The following DAB1 variants were observed in gnomAD, a reference collection of about 807,000 sequenced individuals.
DAB1 encodes the protein disabled homolog 1.
DAB1 carries 15 observed loss-of-function variants against 64.6 expected under a neutral mutation model. The ratio of observed to expected loss-of-function variants is 0.23; its 90% CI spans 0.16 to 0.36. The LOEUF (loss-of-function observed/expected upper bound fraction) is 0.36, where lower values mean the gene tolerates loss of function less well. DAB1 is among the 10% of genes least tolerant of loss of function. DAB1 has a pLI of 1.00. For synonymous variants in DAB1, 235 were observed against 251.9 expected (o/e 0.93, Z 0.64); for missense variants, 596 against 706.7 (o/e 0.84, Z 1.78).
intron 1 of DAB1, among the ~76,000 whole-genome samples, chr1:57,840,229 C>T (rs1652988599): frequency 6.6e-6 from 1 of 152,050 alleles, no homozygotes; most frequent in Admixed American, 6.6e-5. Flanking sequence ...GAGAGGTAAA[C>T]AATTAAGGTA....
chr1:57,292,967 C>T (rs1214288610), intron 1 of DAB1, among the ~76,000 whole-genome samples: 1 of 152,044 alleles, frequency 6.6e-6, no homozygotes, highest in Non-Finnish European at 1.5e-5. Flanking sequence ...TGTTGAAAAG[C>T]TATGTTTCTG....
At chr1:57,500,929 A>C (rs185089333) in intron 7 of DAB1, among the ~76,000 whole-genome samples, 40 of 152,324 alleles carry the variant, frequency 2.6e-4, no homozygotes, top group Non-Finnish European at 4.9e-4. Context: ...GGGTTAATTG[A>C]AAGGAAATAA....
intron 3 of DAB1, among the ~76,000 whole-genome samples, chr1:58,353,081 C>T (rs749093395): frequency 1.3e-5 from 2 of 152,096 alleles, no homozygotes; most frequent in Non-Finnish European, 1.5e-5. Context: ...GCTGCCGAAT[C>T]GAACCTCCAC....
At chr1:57,733,784 T>C (rs532113185) in intron 6 of DAB1, among the ~76,000 whole-genome samples, 1 of 150,586 alleles carries the variant, frequency 6.6e-6, no homozygotes, top group Admixed American at 6.6e-5. Flanking sequence ...AAAGAGAAAG[T>C]GGGGAGTGAG....
intron 7 of DAB1, among the ~76,000 whole-genome samples, chr1:57,523,832 C>T (rs867526571): frequency 7.9e-5 from 12 of 151,694 alleles, no homozygotes; most frequent in African/African-American, 2.4e-4. Context: ...GGCTGAGGCA[C>T]GAGAATTGCT....
intron 5 of DAB1, among the ~76,000 whole-genome samples, chr1:57,994,599 G>T (rs1646397379): frequency 6.6e-6 from 1 of 152,218 alleles, no homozygotes. Context: ...TTTGGGGCAT[G>T]GGGAGTAAGC....
chr1:57,674,582 C>A (rs1646544377), intron 6 of DAB1, among the ~76,000 whole-genome samples: 1 of 152,112 alleles, frequency 6.6e-6, no homozygotes, highest in Non-Finnish European at 1.5e-5. Flanking sequence ...GCCATGAGTT[C>A]TCTGTTTCAT....
chr1:58,289,751 C>T (rs1661770958), intron 4 of DAB1, among the ~76,000 whole-genome samples: 1 of 152,042 alleles, frequency 6.6e-6, no homozygotes, highest in Non-Finnish European at 1.5e-5. Context: ...AGGCAGATAC[C>T]CTCTCCCCTC....
intron 3 of DAB1, among the ~76,000 whole-genome samples, chr1:58,453,984 GCCC>G (rs1339160251): frequency 6.6e-6 from 1 of 151,888 alleles, no homozygotes; most frequent in Non-Finnish European, 1.5e-5. Flanking sequence ...CTTGTACAAG[GCCC>G]CCAAGTCTTC....
chr1:58,280,816 G>A (rs1385099082), intron 4 of DAB1, among the ~76,000 whole-genome samples: 6 of 152,198 alleles, frequency 3.9e-5, no homozygotes, highest in Non-Finnish European at 8.8e-5. Flanking sequence ...GAGTGGGGGT[G>A]GCACCCAAGG....
chr1:57,068,177 GGAT>G (rs1325524904), intron 8 of DAB1, among the ~76,000 whole-genome samples: 1 of 152,036 alleles, frequency 6.6e-6, no homozygotes, highest in African/African-American at 2.4e-5. Context: ...TCTCTTCTTA[GGAT>G]GATTGGTTAA....
At chr1:57,289,873 A>C (rs1672628793) in intron 2 of DAB1, among the ~76,000 whole-genome samples, 1 of 144,204 alleles carries the variant, frequency 6.9e-6, no homozygotes, top group East Asian at 2.2e-4. Context: ...GAGAGAAAGA[A>C]GTTGCTCATA....
At chr1:57,615,000 G>A (rs1221169665) in intron 7 of DAB1, among the ~76,000 whole-genome samples, 1 of 151,190 alleles carries the variant, frequency 6.6e-6, no homozygotes, top group Non-Finnish European at 1.5e-5. Flanking sequence ...CTCCCGAGTA[G>A]TTGGGACTAC....
At chr1:57,508,625 C>A (rs892840525) in intron 7 of DAB1, among the ~76,000 whole-genome samples, 3 of 152,170 alleles carry the variant, frequency 2.0e-5, no homozygotes, top group Admixed American at 6.5e-5. Flanking sequence ...CAGACAATGT[C>A]TAAACCAATG....
intron 4 of DAB1, among the ~76,000 whole-genome samples, chr1:58,286,204 A>G (rs921115672): frequency 1.3e-5 from 2 of 152,234 alleles, no homozygotes; most frequent in South Asian, 2.1e-4. Context: ...GCCCAAAACT[A>G]TAAAAACCCA....
intron 2 of DAB1, among the ~76,000 whole-genome samples, chr1:57,269,465 C>A (rs929244040): frequency 1.3e-5 from 2 of 152,052 alleles, no homozygotes; most frequent in African/African-American, 4.8e-5. Context: ...TGGTAAGAGC[C>A]CCCTGAAGCT....
chr1:58,316,627 G>C (rs893281912), intron 4 of DAB1, among the ~76,000 whole-genome samples: 1 of 152,094 alleles, frequency 6.6e-6, no homozygotes, highest in Non-Finnish European at 1.5e-5. Context: ...AAGGAGGGAT[G>C]CTTGTGTTCA....
chr1:58,500,455 A>C (rs1557442966), intron 3 of DAB1, among the ~76,000 whole-genome samples: 1 of 152,208 alleles, frequency 6.6e-6, no homozygotes, highest in Non-Finnish European at 1.5e-5. Context: ...GTCCAATTAT[A>C]AACGTGTAAG....
intron 2 of DAB1, among the ~76,000 whole-genome samples, chr1:57,161,873 C>T (rs1180059254): frequency 6.6e-6 from 1 of 151,590 alleles, no homozygotes; most frequent in Non-Finnish European, 1.5e-5. Context: ...AAAGTTCATA[C>T]TATAAATCTG....
Sources: allele counts gnomAD v4.1 joint callset (sites outside exome capture counted in the v4.1 genomes callset), GRCh38; gene constraint gnomAD v4.1.1; transcripts MANE v1.5; gene names NCBI Gene and HGNC (gene_info 2026-07-23, HGNC 2026-07-21).